The following LY86 variants were observed in gnomAD, a reference collection of about 807,000 sequenced individuals.
LY86 encodes the protein lymphocyte antigen 86, also known as MD-1, RP105-associated.
In LY86, 20 loss-of-function variants were observed where a neutral mutation model predicts 17.3. That is an observed-to-expected ratio of 1.15 (90% CI 0.81 to 1.68). The LOEUF is 1.68. Ranked by LOEUF, LY86 falls within the 40% of genes most tolerant of loss-of-function variation. The pLI is 0.00. For synonymous variants in LY86, 74 were observed against 70.6 expected, an observed-to-expected ratio of 1.05 and a Z score of -0.24; for missense variants, 200 against 191.9, an observed-to-expected ratio of 1.04 and a Z score of -0.25.
chr6:6,610,016 G>C (rs1581238988), intron 1 of LY86, among the ~76,000 whole-genome samples: 1 of 152,052 alleles, frequency 6.6e-6, no homozygotes. Flanking sequence ...TGAACTCCTG[G>C]GCTCCAGCGA....
At chr6:6,601,359 G>A (rs1412715765) in intron 1 of LY86, among the ~76,000 whole-genome samples, 1 of 146,706 alleles carries the variant, frequency 6.8e-6, no homozygotes, top group Non-Finnish European at 1.5e-5. Context: ...GGTCAAACAT[G>A]GAAATATCTT....
At chr6:6,653,638 C>T (rs551540659) in intron 4 of LY86, among the ~76,000 whole-genome samples, 1 of 152,330 alleles carries the variant, frequency 6.6e-6, no homozygotes, top group East Asian at 1.9e-4. Context: ...TCCCCAAAGG[C>T]AGCCATTCTT....
At chr6:6,618,209 C>T (rs1464466953) in intron 1 of LY86, among the ~76,000 whole-genome samples, 1 of 152,178 alleles carries the variant, frequency 6.6e-6, no homozygotes, top group East Asian at 1.9e-4. Context: ...TCATTATTTT[C>T]CTCAAGACAT....
chr6:6,607,605 A>G (rs1761220464), intron 1 of LY86, among the ~76,000 whole-genome samples: 2 of 152,222 alleles, frequency 1.3e-5, no homozygotes, highest in South Asian at 4.1e-4. Context: ...AATTATTAAA[A>G]TATCAGAGGC....
rs772516616 is a variant in LY86 at position 6,625,010 on chromosome 6, T to C, written c.221T>C (p.Leu74Pro). ...SNINIRFGII[L>P]REDIKELFLD... ...ATCAACATTAGATTTGGAATTATTCTGAGTAAGTAAAAAAAATGATTAGCA... is the reference window on the plus strand; with the variant it reads ...ATCAACATTAGATTTGGAATTATTCCGAGTAAGTAAAAAAAATGATTAGCA... Residue 74 changes from leucine (L) to proline (P), a missense_variant and splice_region_variant, in exon 2 of 5, where the codon CTG becomes CCG. Physicochemically the swap from Leu to Pro is moderately conservative, Grantham distance 98 (BLOSUM62 -3). Coordinates refer to ENST00000230568, the MANE Select transcript of LY86 (RefSeq NM_004271.4). 7.1e-6 allele frequency: 10 copies of C among 1,412,810 alleles called. No individual in the cohort carries two copies. In the African/African-American group the frequency reaches 1.4e-4, roughly 20 times the overall value. The allele number at this position is 1,412,810 out of a possible 1,614,324, so 87.5% of individuals were successfully genotyped here.
intron 1 of LY86, among the ~76,000 whole-genome samples, chr6:6,611,949 G>C (rs993351606): frequency 5.3e-5 from 8 of 152,054 alleles, no homozygotes; most frequent in Non-Finnish European, 1.2e-4. Flanking sequence ...TCCAGCACGT[G>C]TCCCAAGCAA....
chr6:6,654,592 G>A lies in LY86; in HGVS notation c.454G>A (p.Val152Met), dbSNP rs764728056. Residue 152 changes from valine (V) to methionine (M), a missense_variant, in exon 5 of 5, where the codon GTG becomes ATG. Transcript: ENST00000230568. Reference protein sequence around the residue: ...LELYTEKRSTVACANATIMCS With the variant: ...LELYTEKRSTMACANATIMCS ...ACTGTACACTGAAAAACGGTCCACC[G>A]TGGCCTGTGCCAATGCTACTATCAT... 72 of 1,614,068 alleles carry A rather than the reference G, an allele frequency of 4.5e-5. No individual in the cohort carries two copies. The East Asian group carries it at 9.1e-4, about 20-fold the overall frequency.
Position 6,588,790 on chromosome 6 carries a change from G to C in LY86, c.56G>C (p.Ser19Thr), listed in dbSNP as rs1351741745. ...FLWTLIFPSC[S>T]GGGGGKAWPT... ...TGGACTCTGATTTTTCCCAGCTGCAGTGGAGGCGGCGGTGGGAAAGCCTGG... is the reference window on the plus strand; with the variant it reads ...TGGACTCTGATTTTTCCCAGCTGCACTGGAGGCGGCGGTGGGAAAGCCTGG... The change falls in exon 1 of 5, where the codon AGT becomes ACT. Residue 19 changes from serine to threonine, a missense_variant. By Grantham distance (58) the Ser-to-Thr change is moderately conservative. Coordinates refer to ENST00000230568, the MANE Select transcript of LY86 (RefSeq NM_004271.4). The C allele has an allele frequency of 1.2e-6, 2 of 1,614,212 alleles. No homozygotes were observed. The highest frequency in any genetic ancestry group is 1.7e-5 in the Admixed American group (1 of 60,026).
chr6:6,622,801 C>G (rs1414039433), intron 1 of LY86: 2 of 152,236 alleles, frequency 1.3e-5, no homozygotes, highest in Non-Finnish European at 2.9e-5. Context: ...TGAAACAGAA[C>G]TACCAGATGC....
intron 1 of LY86, among the ~76,000 whole-genome samples, chr6:6,617,904 G>A (rs193066476): frequency 5.3e-5 from 8 of 152,280 alleles, no homozygotes; most frequent in Non-Finnish European, 7.3e-5. Context: ...GCAGTGGCGC[G>A]ATCTCGGCAC....
At chr6:6,589,029 T>C (rs1301003809) in intron 1 of LY86, among the ~76,000 whole-genome samples, 159 bp downstream of exon 1, 1 of 152,048 alleles carries the variant, frequency 6.6e-6, no homozygotes, top group Non-Finnish European at 1.5e-5. Flanking sequence ...CACTGGGAGC[T>C]TTTGGAAGAA....
chr6:6,638,947 AATCATGCTGCT>A lies in LY86; in HGVS notation c.353-10675_353-10665del, dbSNP rs552007401. ...CTGGGTATATACCCAAAGGACTATA[AATCATGCTGCT>A]ATAAAGACACATGCACACGTATGTT... On this transcript the variant is annotated intron_variant, in intron 3 of 4. Transcript: ENST00000230568. 7.4e-3 allele frequency among the ~76,000 whole-genome samples: 1,129 copies of A among 151,902 alleles called. 6 individuals carry two copies. Among genetic ancestry groups the A allele is most frequent in the South Asian group, 0.047 (226 of 4,810 alleles).
At chr6:6,647,022 C>T (rs2113162706) in intron 3 of LY86, among the ~76,000 whole-genome samples, 1 of 152,338 alleles carries the variant, frequency 6.6e-6, no homozygotes, top group South Asian at 2.1e-4. Flanking sequence ...TGCTACTCAA[C>T]ACAACACAGG....
intron 1 of LY86, among the ~76,000 whole-genome samples, chr6:6,595,932 A>T (rs1203425661): frequency 6.6e-6 from 1 of 152,122 alleles, no homozygotes; most frequent in South Asian, 2.1e-4. Context: ...AGCCCCCTGG[A>T]AGCATCCAGG....
intron 1 of LY86, among the ~76,000 whole-genome samples, chr6:6,594,561 G>C (rs934723207): frequency 1.3e-5 from 2 of 152,190 alleles, no homozygotes; most frequent in African/African-American, 4.8e-5. Context: ...CCCTGGCCAA[G>C]AGTAGGAAGG....
At chr6:6,606,045 A>G (rs575594947) in intron 1 of LY86, among the ~76,000 whole-genome samples, 10 of 152,360 alleles carry the variant, frequency 6.6e-5, no homozygotes, top group Non-Finnish European at 1.0e-4. Flanking sequence ...CTACTCAAGC[A>G]GGTTACTGCT....
At chr6:6,596,879 T>C (rs1760730582) in intron 1 of LY86, among the ~76,000 whole-genome samples, 1 of 152,130 alleles carries the variant, frequency 6.6e-6, no homozygotes, top group South Asian at 2.1e-4. Context: ...AGTAACTTAG[T>C]GAATAGGAAC....
chr6:6,595,256 G>A (rs1227262653), intron 1 of LY86, among the ~76,000 whole-genome samples: 1 of 149,996 alleles, frequency 6.7e-6, no homozygotes, highest in Non-Finnish European at 1.5e-5. Flanking sequence ...ACAAGAAGGA[G>A]GGAAGGGGAG....
intron 1 of LY86, among the ~76,000 whole-genome samples, chr6:6,614,930 G>C (rs1405677169): frequency 6.6e-6 from 1 of 152,122 alleles, no homozygotes; most frequent in African/African-American, 2.4e-5. Context: ...GGGAGAGGCC[G>C]GGAGCATCTC....
Sources: gnomAD v4.1 joint callset for allele counts (sites outside exome capture counted in the v4.1 genomes callset) on GRCh38, gnomAD v4.1.1 for gene constraint, MANE v1.5 for transcripts, NCBI Gene and HGNC (gene_info 2026-07-23, HGNC 2026-07-21) for gene names.